The following TTC28 variants were observed in gnomAD, a reference collection of about 807,000 sequenced individuals.
TTC28 encodes tetratricopeptide repeat domain 28, also known as tetratricopeptide repeat protein 28.
In TTC28, 61 loss-of-function variants were observed where a neutral mutation model predicts 198.0. That is an observed-to-expected ratio of 0.31 (90% confidence interval 0.25 to 0.38). TTC28 has a LOEUF of 0.38. TTC28 is among the 10% of genes least tolerant of loss of function. TTC28 has a pLI of 1.00. For missense variants in TTC28, 2,678 were observed against 3,164.0 expected, an observed-to-expected ratio of 0.85 and a Z score of 3.69; for synonymous variants, 1,171 against 1,297.8, an observed-to-expected ratio of 0.90 and a Z score of 2.10.
chr22:28,539,518 C>G (rs868796492), intron 2 of TTC28, among the ~76,000 whole-genome samples: 3 of 151,938 alleles, frequency 2.0e-5, no homozygotes, highest in African/African-American at 4.8e-5. Flanking sequence ...CACCTGTACC[C>G]CCAGCTACTT....
At position 28,297,698 on chromosome 22, in the gene TTC28, G is replaced by A; in HGVS notation, c.684C>T (p.Cys228=). 1.3e-6 allele frequency: 2 copies of A among 1,551,676 alleles called. No individual in the cohort carries two copies. Among genetic ancestry groups the A allele is most frequent in the South Asian group, 2.4e-5 (2 of 84,046 alleles). Residue 228 remains cysteine, a synonymous_variant, in exon 4 of 23, where the codon TGC becomes TGT. Transcript: ENST00000397906. ...AAACAGAACCTCTCAGTTTGAGGCT[G>A]CAGGTGCCAATCTTCAGTGCGGCTT... The part of the protein sequence containing the change: ...VLEAALKIGT[C]SLKLRGSVFS...
chr22:28,629,332 A>G (rs1477402528), intron 2 of TTC28: 3 of 522,202 alleles, frequency 5.7e-6, no homozygotes, highest in African/African-American at 5.7e-5. Context: ...TCTCACACAT[A>G]CAGGAAAAGA....
intron 2 of TTC28, among the ~76,000 whole-genome samples, chr22:28,490,329 TC>T (rs779792069): frequency 7.2e-5 from 11 of 152,170 alleles, no homozygotes; most frequent in Non-Finnish European, 1.3e-4. Flanking sequence ...TTTCTTGATC[TC>T]ATTGCACCCC....
intron 2 of TTC28, among the ~76,000 whole-genome samples, chr22:28,481,026 G>A (rs992752563): frequency 6.6e-6 from 1 of 152,068 alleles, no homozygotes; most frequent in Non-Finnish European, 1.5e-5. Context: ...AGCAGAGATG[G>A]GATGCAAGTT....
At chr22:28,306,401 C>A (rs1192411358) in intron 3 of TTC28, 95 bp downstream of exon 3, 160 of 1,368,880 alleles carry the variant, frequency 1.2e-4, no homozygotes, top group Non-Finnish European at 1.6e-4. Context: ...AATTTGATAA[C>A]CTATCAATTC....
chr22:28,423,562 A>G (rs1364458361), intron 2 of TTC28, among the ~76,000 whole-genome samples: 1 of 152,218 alleles, frequency 6.6e-6, no homozygotes, highest in Non-Finnish European at 1.5e-5. Context: ...AGTAATTTAT[A>G]ATGCCACTAA....
chr22:28,472,202 C>T (rs974037832), intron 2 of TTC28, among the ~76,000 whole-genome samples: 1 of 152,132 alleles, frequency 6.6e-6, no homozygotes, highest in African/African-American at 2.4e-5. Context: ...TTTCAATTCT[C>T]CGCCTTGTAT....
chr22:28,174,889 G>T (rs575532694), intron 5 of TTC28, among the ~76,000 whole-genome samples: 15 of 152,012 alleles, frequency 9.9e-5, no homozygotes, highest in African/African-American at 3.6e-4. Flanking sequence ...GAGTGTTTGG[G>T]GTCTGTTGGT....
rs895750213 is a variant in TTC28 at position 28,296,257 on chromosome 22, C to G, written c.874G>C (p.Glu292Gln). The G allele has an allele frequency of 6.4e-7, 1 of 1,551,088 alleles. No individual in the cohort carries two copies. The highest frequency in any genetic ancestry group is 1.2e-5 in the South Asian group (1 of 83,958). The part of the protein sequence containing the change: ...SAFFSKGNYR[E>Q]ALTNHRHQLV... The stretch of plus-strand genomic sequence containing the variant: ...TGATGCCTGTGGTTAGTGAGAGCCT[C>G]CCGGTAATTTCCTTTGGAGAAGAAT... Residue 292 changes from glutamate to glutamine, a missense_variant, in exon 5 of 23, where the codon GAG becomes CAG. Coordinates refer to ENST00000397906, the MANE Select transcript of TTC28 (RefSeq NM_001145418.2).
chr22:28,662,745 T>G (rs1198030992), intron 1 of TTC28, among the ~76,000 whole-genome samples: 1 of 152,204 alleles, frequency 6.6e-6, no homozygotes, highest in Admixed American at 6.5e-5. Flanking sequence ...CTTGAACAAT[T>G]ATTATTAAAT....
intron 13 of TTC28, 110 bp from the exon 14 acceptor site, chr22:28,014,502 C>G: frequency 7.8e-7 from 1 of 1,278,526 alleles, no homozygotes; most frequent in Non-Finnish European, 1.0e-6. Flanking sequence ...GGCTTCACAG[C>G]AGCAACCCCG....
intron 2 of TTC28, among the ~76,000 whole-genome samples, chr22:28,398,741 T>C (rs945079491): frequency 1.3e-5 from 2 of 152,224 alleles, no homozygotes; most frequent in Admixed American, 6.5e-5. Flanking sequence ...GACTATTTCA[T>C]TTTTCACTTT....
At position 28,276,922 on chromosome 22, in the gene TTC28, T is replaced by C. The variant is rs142636391; in HGVS notation, c.933+19276A>G. 3.3e-4 allele frequency among the ~76,000 whole-genome samples: 51 copies of C among 152,304 alleles called. 1 individual carries two copies. Among genetic ancestry groups the C allele is most frequent in the African/African-American group, 1.2e-3 (49 of 41,584 alleles). On this transcript the variant is annotated intron_variant, in intron 5 of 22. Transcript: ENST00000397906. ...ACTTAATAAAATACTTATATTAGTA[T>C]TTTATTCATCCTGTAATCATTTTTA...
chr22:28,417,688 A>G (rs2047188984), intron 2 of TTC28, among the ~76,000 whole-genome samples: 1 of 152,204 alleles, frequency 6.6e-6, no homozygotes, highest in Non-Finnish European at 1.5e-5. Context: ...GTAAGTTACA[A>G]TACCCCAAGT....
intron 6 of TTC28, among the ~76,000 whole-genome samples, chr22:28,154,350 C>CTTTTTTTTTTTTTTTT (rs1177429456): frequency 7.8e-6 from 1 of 128,586 alleles, no homozygotes; most frequent in Non-Finnish European, 1.7e-5. Flanking sequence ...CTTTTCTTTT[C>CTTTTTTTTTTTTTTTT]TTTTTCTTTT....
chr22:28,379,106 T>C (rs374749281), intron 2 of TTC28, among the ~76,000 whole-genome samples: 1 of 152,274 alleles, frequency 6.6e-6, no homozygotes, highest in South Asian at 2.1e-4. Flanking sequence ...TGGAGCAACA[T>C]CTCTAAATTT....
chr22:28,239,114 G>A (rs1337649882), intron 5 of TTC28, among the ~76,000 whole-genome samples: 1 of 152,088 alleles, frequency 6.6e-6, no homozygotes, highest in Non-Finnish European at 1.5e-5. Flanking sequence ...CATATATACT[G>A]ACCAATGTTG....
chr22:28,100,913 A>G (rs1022777669), intron 9 of TTC28, among the ~76,000 whole-genome samples: 3 of 152,256 alleles, frequency 2.0e-5, no homozygotes, highest in South Asian at 2.1e-4. Flanking sequence ...ATATAATTTC[A>G]TATCAATGTT....
At chr22:28,020,027 G>A (rs899118295) in intron 13 of TTC28, among the ~76,000 whole-genome samples, 1 of 152,258 alleles carries the variant, frequency 6.6e-6, no homozygotes, top group South Asian at 2.1e-4. Flanking sequence ...GGACCAGAGA[G>A]AGCAAGAGAC....
Sources: allele counts gnomAD v4.1 joint callset (sites outside exome capture counted in the v4.1 genomes callset), GRCh38; gene constraint gnomAD v4.1.1; transcripts MANE v1.5; gene names NCBI Gene and HGNC (gene_info 2026-07-23, HGNC 2026-07-21).